ANKLE2: variants seen among roughly 807,000 people sequenced by gnomAD.
The protein encoded by ANKLE2 is ankyrin repeat and LEM domain containing 2, also known as ankyrin repeat and LEM domain-containing protein 2.
ANKLE2 carries 55 observed loss-of-function variants against 84.2 expected under a neutral mutation model. The ratio of observed to expected loss-of-function variants is 0.65; its 90% confidence interval spans 0.53 to 0.82. ANKLE2 has a LOEUF of 0.82. Among genes scored for constraint, ANKLE2 ranks in the 40% least tolerant of loss-of-function variants. The pLI, the probability that ANKLE2 is intolerant of heterozygous loss-of-function variation, is 0.00. For synonymous variants in ANKLE2, 551 were observed against 486.1 expected, an observed-to-expected ratio of 1.13 and a Z score of -1.76; for missense variants, 1,238 against 1,201.9, an observed-to-expected ratio of 1.03 and a Z score of -0.44.
chr12:132,732,649 C>T (rs1408492478), intron 10 of ANKLE2, among the ~76,000 whole-genome samples: 5 of 103,852 alleles, frequency 4.8e-5, no homozygotes, highest in African/African-American at 1.1e-4. Flanking sequence ...AAGCGCTCTG[C>T]GTGCTGGTGT....
At position 132,726,500 on chromosome 12, in the gene ANKLE2, T is replaced by G. The variant is rs2043701357; in HGVS notation, c.*742A>C. 6.6e-6 allele frequency: 1 copy of G among 152,234 alleles called. No homozygotes were observed. The highest frequency in any genetic ancestry group is 6.5e-5 in the Admixed American group (1 of 15,272). 9.4% of individuals were successfully genotyped at this position (152,234 alleles called of 1,614,324 possible). ...CCTGAATGAAGCAGGCGGTGAAGGCTCACGTGCTGAGGAAACAGGGAACAC... is the reference window on the plus strand; with the variant it reads ...CCTGAATGAAGCAGGCGGTGAAGGCGCACGTGCTGAGGAAACAGGGAACAC... On this transcript the variant is annotated 3_prime_UTR_variant, in exon 13 of 13. Coordinates refer to ENST00000357997, the MANE Select transcript of ANKLE2 (RefSeq NM_015114.3).
chr12:132,734,068 T>C, intron 10 of ANKLE2: 1 of 472,560 alleles, frequency 2.1e-6, no homozygotes, highest in Non-Finnish European at 4.1e-6. Flanking sequence ...AAACCGCATC[T>C]CCACTAAAAA....
chr12:132,728,853 CCT>C (rs11467615), intron 11 of ANKLE2, among the ~76,000 whole-genome samples: 5,206 of 152,242 alleles, frequency 0.034, 270 homozygotes, highest in African/African-American at 0.12. Context: ...ACATTTATCC[CCT>C]GTTAGATTGA....
intron 1 of ANKLE2, 69 bp from the exon 2 acceptor site, chr12:132,755,202 C>T (rs1222235217): frequency 1.5e-6 from 2 of 1,373,286 alleles, no homozygotes; most frequent in East Asian, 2.3e-5. Flanking sequence ...GTGATGGGTA[C>T]TAGGGTTCAT....
rs112512811 is a variant in ANKLE2, at chr12:132,740,904, G to A, written c.1420+515C>T. 3.3e-3 allele frequency among the ~76,000 whole-genome samples: 374 copies of A among 113,486 alleles called. 3 individuals carry two copies. The highest frequency in any genetic ancestry group is 9.3e-3 in the African/African-American group (347 of 37,326). The allele number at this position is 113,486 out of a possible 152,430, so 74.5% of individuals were successfully genotyped here. ...CCGGAGCCAAGACAGGAGCCTGGGC[G>A]TGCACCAGGAGTACAGGAGGAGGAA... On this transcript the variant is annotated intron_variant, in intron 7 of 12. Coordinates refer to ENST00000357997, the MANE Select transcript of ANKLE2 (RefSeq NM_015114.3).
chr12:132,735,002 A>G (rs1290452664), intron 9 of ANKLE2: 2 of 285,384 alleles, frequency 7.0e-6, no homozygotes, highest in African/African-American at 2.3e-5. Context: ...CACTGGGCAC[A>G]TATTTTGAGA....
At chr12:132,755,155 C>G (rs1184893953) in intron 1 of ANKLE2, 22 bp from the exon 2 acceptor site, 1 of 1,567,200 alleles carries the variant, frequency 6.4e-7, no homozygotes, top group Non-Finnish European at 8.6e-7. Flanking sequence ...ACAAAAAAAT[C>G]AAAGAGTCAC....
In ANKLE2 at chr12:132,728,166, A is replaced by G; in HGVS notation, c.2484-3T>C. ...GATCGAGTTTTGATGGCTCCTCTCT[A>G]GAAAGCACAATAAAAGAAGCAAAAA... is the stretch of plus-strand genomic sequence containing the variant. On this transcript the variant is annotated splice_region_variant and splice_polypyrimidine_tract_variant and intron_variant, in intron 11 of 12. Transcript: ENST00000357997. 6.2e-7 allele frequency: 1 copy of G among 1,610,266 alleles called. No homozygotes were observed. Among genetic ancestry groups the G allele is most frequent in the South Asian group, 1.1e-5 (1 of 90,694 alleles).
intron 1 of ANKLE2, chr12:132,757,120 A>G (rs747374069): frequency 5.9e-5 from 9 of 152,242 alleles, no homozygotes; most frequent in Admixed American, 1.3e-4. Flanking sequence ...CTAAGGAGAA[A>G]GACAAAAAGG....
intron 7 of ANKLE2, 112 bp from the exon 8 acceptor site, chr12:132,737,177 C>A (rs995158224): frequency 3.2e-5 from 38 of 1,186,260 alleles, no homozygotes; most frequent in Non-Finnish European, 4.2e-5. Context: ...GCAAATGGAT[C>A]CAACAGACGG....
chr12:132,754,633 T>C (rs758833632), intron 2 of ANKLE2, 42 bp downstream of exon 2: 5 of 1,536,242 alleles, frequency 3.3e-6, no homozygotes, highest in Non-Finnish European at 4.4e-6. Context: ...CCTCCGCGTA[T>C]GTGCTATCTG....
In ANKLE2 at chr12:132,741,500, AGT is replaced by A. The variant is rs770797322; in HGVS notation, c.1354-17_1354-16del. 6 of 1,612,022 alleles carry A rather than the reference AGT, an allele frequency of 3.7e-6. No individual in the cohort carries two copies. In the Admixed American group the frequency reaches 5.0e-5, roughly 13 times the overall value. ...TCACAAATTACCTATTGGAAAAAAAAGTGTGTCTAAATCTTATTTGATCGCAA... is the reference window on the plus strand; with the variant it reads ...TCACAAATTACCTATTGGAAAAAAAAGTGTCTAAATCTTATTTGATCGCAA... On this transcript the variant is annotated splice_polypyrimidine_tract_variant and intron_variant, in intron 6 of 12. Coordinates refer to ENST00000357997, the MANE Select transcript of ANKLE2 (RefSeq NM_015114.3).
At chr12:132,734,764 G>A in intron 9 of ANKLE2, 189 bp from the exon 10 acceptor site, 1 of 598,210 alleles carries the variant, frequency 1.7e-6, no homozygotes, top group Non-Finnish European at 2.8e-6. Context: ...CTCCTCACAG[G>A]TAAGCAGGAC....
chr12:132,748,082 G>A (rs1041267893), intron 4 of ANKLE2, 56 bp downstream of exon 4: 49 of 1,605,196 alleles, frequency 3.1e-5, no homozygotes, highest in Non-Finnish European at 4.0e-5. Context: ...CTGTGCGAGT[G>A]CTGCGATGGA....
chr12:132,757,666 C>G (rs368165354), intron 1 of ANKLE2: 1 of 152,140 alleles, frequency 6.6e-6, no homozygotes, highest in East Asian at 1.9e-4. Context: ...ACTAAAAATA[C>G]TAAAAAATTA....
intron 5 of ANKLE2, among the ~76,000 whole-genome samples, chr12:132,744,534 G>A (rs2044194891): frequency 6.6e-6 from 1 of 152,072 alleles, no homozygotes; most frequent in Non-Finnish European, 1.5e-5. Flanking sequence ...GCTCCCTCCC[G>A]CCATCACCCA....
At position 132,759,120 on chromosome 12, in the gene ANKLE2, C is replaced by CTGT. The variant is rs1566041912; in HGVS notation, c.181+2497_181+2498insACA. The CTGT allele has an allele frequency of 3.2e-4, 14 of 43,624 alleles. 2 individuals are homozygous for CTGT. The highest frequency in any genetic ancestry group is 1.3e-3 in the African/African-American group (14 of 10,460). 2.7% of individuals were successfully genotyped at this position (43,624 alleles called of 1,614,324 possible). A position where few individuals can be genotyped will look rare whatever the true frequency, so the allele number is the denominator to read the frequency against. Reference sequence around the variant, plus strand: ...CACCCACGTGGCAGAGTGGATCACGCAGAGTGGCACCCCGGGGCACCCACG... The same window carrying CTGT: ...CACCCACGTGGCAGAGTGGATCACGCTGTAGAGTGGCACCCCGGGGCACCCACG... On this transcript the variant is annotated intron_variant, in intron 1 of 12. Coordinates refer to ENST00000357997, the MANE Select transcript of ANKLE2 (RefSeq NM_015114.3).
intron 7 of ANKLE2, chr12:132,738,462 A>G (rs1371297500): frequency 6.6e-6 from 1 of 152,022 alleles, no homozygotes; most frequent in Non-Finnish European, 1.5e-5. Flanking sequence ...CTTCCTTTAC[A>G]GTCAATCATG....
Position 132,748,035 on chromosome 12 carries a change from C to A in ANKLE2, c.1042-15G>T. The A allele has an allele frequency of 6.3e-7, 1 of 1,597,010 alleles. No individual in the cohort carries two copies. Among genetic ancestry groups the A allele is most frequent in the Non-Finnish European group, 8.5e-7 (1 of 1,171,768 alleles). ...CTGCACCCTTCCTGAAAGAGAACCG[C>A]ATGCTCTGAGCTTCCTATCTGATGT... On this transcript the variant is annotated splice_polypyrimidine_tract_variant and intron_variant, in intron 4 of 12. Coordinates refer to ENST00000357997, the MANE Select transcript of ANKLE2 (RefSeq NM_015114.3).
Sources: gnomAD v4.1 joint callset for allele counts (sites outside exome capture counted in the v4.1 genomes callset) on GRCh38, gnomAD v4.1.1 for gene constraint, MANE v1.5 for transcripts, NCBI Gene and HGNC (gene_info 2026-07-23, HGNC 2026-07-21) for gene names.